PAM: variants seen among roughly 807,000 people sequenced by gnomAD.
PAM encodes peptidyl-glycine alpha-amidating monooxygenase.
PAM carries 72 observed loss-of-function variants against 122.1 expected under a neutral mutation model. The observed-to-expected ratio is 0.59, with a 90% CI of 0.49 to 0.72. The LOEUF is 0.72. PAM is among the 30% of genes least tolerant of loss of function. PAM has a pLI of 0.00. For missense variants in PAM, 1,106 were observed against 1,183.7 expected, an observed-to-expected ratio of 0.93 and a Z score of 0.96; for synonymous variants, 389 against 404.4, an observed-to-expected ratio of 0.96 and a Z score of 0.46.
intron 1 of PAM, among the ~76,000 whole-genome samples, chr5:102,848,589 A>G (rs556946706): frequency 2.6e-5 from 4 of 152,324 alleles, no homozygotes; most frequent in South Asian, 2.1e-4. Flanking sequence ...GTCACAAATC[A>G]TCAGACTTTT....
upstream of PAM, chr5:102,755,057 C>T (rs1330335854): frequency 6.6e-6 from 1 of 152,316 alleles, no homozygotes; most frequent in Non-Finnish European, 1.5e-5. Context: ...GCCCCCTGCG[C>T]CCAAAGAGGC....
chr5:102,907,477 G>A (rs536118937), intron 4 of PAM, among the ~76,000 whole-genome samples: 155 of 151,336 alleles, frequency 1.0e-3, no homozygotes, highest in African/African-American at 3.5e-3. Context: ...AGTCCTTTGG[G>A]TATATACCCA....
At chr5:102,794,067 T>C (rs1256307815) in intron 1 of PAM, among the ~76,000 whole-genome samples, 2 of 152,206 alleles carry the variant, frequency 1.3e-5, no homozygotes, top group African/African-American at 4.8e-5. Context: ...CTTGAAGTGG[T>C]TTATTTATCC....
At chr5:102,969,237 T>C (rs1328970716) in intron 14 of PAM, among the ~76,000 whole-genome samples, 5 of 122,008 alleles carry the variant, frequency 4.1e-5, no homozygotes, top group Non-Finnish European at 7.2e-5. Context: ...TAAAGTATAA[T>C]AAAAAATGCC....
chr5:102,983,632 G>A (rs1770707606), intron 15 of PAM, among the ~76,000 whole-genome samples: 2 of 152,104 alleles, frequency 1.3e-5, no homozygotes, highest in Non-Finnish European at 2.9e-5. Context: ...TGAAATAACA[G>A]CTGAAAACTT....
At chr5:102,994,673 G>T (rs1775125289) in intron 16 of PAM, among the ~76,000 whole-genome samples, 3 of 152,038 alleles carry the variant, frequency 2.0e-5, no homozygotes, top group Admixed American at 2.0e-4. Flanking sequence ...AAATTGTGCT[G>T]ATATTTTTAC....
chr5:102,862,989 CTT>C (rs1386326059), intron 1 of PAM, among the ~76,000 whole-genome samples: 10 of 142,410 alleles, frequency 7.0e-5, no homozygotes, highest in South Asian at 2.2e-4. Context: ...TGCCAGCTAT[CTT>C]TTTTTTTTTT....
intron 24 of PAM, among the ~76,000 whole-genome samples, chr5:103,026,666 T>C (rs143500998): frequency 1.2e-3 from 179 of 152,228 alleles, no homozygotes; most frequent in African/African-American, 4.0e-3. Context: ...CCAGCACAAA[T>C]AATAGTTTCT....
At chr5:102,826,725 CT>C (rs1263097360) in intron 1 of PAM, among the ~76,000 whole-genome samples, 3 of 152,126 alleles carry the variant, frequency 2.0e-5, no homozygotes, top group African/African-American at 7.2e-5. Flanking sequence ...TCTTATGCTC[CT>C]TGACAGGTCT....
chr5:102,798,746 ACATTTTTTTCTGTTATAAAG>A, intron 1 of PAM, among the ~76,000 whole-genome samples: 1 of 152,222 alleles, frequency 6.6e-6, no homozygotes, highest in Non-Finnish European at 1.5e-5. Flanking sequence ...GTATAGGAAT[ACATTTTTTTCTGTTATAAAG>A]CCCTCTCACA....
chr5:102,847,844 T>A (rs924550553), intron 1 of PAM, among the ~76,000 whole-genome samples: 1 of 152,176 alleles, frequency 6.6e-6, no homozygotes, highest in Non-Finnish European at 1.5e-5. Flanking sequence ...ACACACTACA[T>A]CCTACAATTT....
At position 102,957,353 on chromosome 5, in the gene PAM, C is replaced by T. The variant is rs944728480; in HGVS notation, c.906-2522C>T. Among the ~76,000 whole-genome samples the T allele has an allele frequency of 6.6e-5, 10 of 152,126 alleles. No individual in the cohort carries two copies. The East Asian group carries it at 1.2e-3, about 18-fold the overall frequency. ...GAACACACAGCAACACAAAGGAGCCCGGTCAGATTCATTTAGGGAATAGAA... is the reference window on the plus strand; with the variant it reads ...GAACACACAGCAACACAAAGGAGCCTGGTCAGATTCATTTAGGGAATAGAA... On this transcript the variant is annotated intron_variant, in intron 12 of 25. Transcript: ENST00000438793.
chr5:102,838,626 C>T (rs1156867197), intron 1 of PAM: 1 of 151,912 alleles, frequency 6.6e-6, no homozygotes, highest in East Asian at 1.9e-4. Context: ...AATGTAGATG[C>T]CTGTTTTTGT....
At chr5:102,946,622 G>A (rs1757128900) in intron 7 of PAM, among the ~76,000 whole-genome samples, 1 of 149,642 alleles carries the variant, frequency 6.7e-6, no homozygotes, top group Non-Finnish European at 1.5e-5. Context: ...ACCATAGACT[G>A]CATGAAATGA....
intron 22 of PAM, among the ~76,000 whole-genome samples, chr5:103,019,323 G>A (rs1303997194): frequency 6.6e-6 from 1 of 152,222 alleles, no homozygotes; most frequent in Non-Finnish European, 1.5e-5. Flanking sequence ...AGCGCAGAGT[G>A]CAGTAAATCT....
intron 1 of PAM, among the ~76,000 whole-genome samples, chr5:102,857,785 C>A (rs1055466495): frequency 1.2e-4 from 18 of 152,180 alleles, no homozygotes; most frequent in Non-Finnish European, 2.5e-4. Context: ...CTGCTTAGTA[C>A]AATGCCTGGC....
intron 12 of PAM, among the ~76,000 whole-genome samples, chr5:102,952,585 A>AT (rs1759307081): frequency 6.6e-6 from 1 of 152,162 alleles, no homozygotes; most frequent in Non-Finnish European, 1.5e-5. Context: ...TACCAGTGGA[A>AT]TGACAAACAA....
intron 7 of PAM, among the ~76,000 whole-genome samples, chr5:102,946,450 A>C (rs561723984): frequency 1.3e-5 from 2 of 151,888 alleles, no homozygotes; most frequent in Non-Finnish European, 2.9e-5. Context: ...AAAATAAAAA[A>C]GTCTTTTGTT....
intron 1 of PAM, among the ~76,000 whole-genome samples, chr5:102,822,196 T>A (rs1247446735): frequency 6.6e-6 from 1 of 152,238 alleles, no homozygotes; most frequent in Non-Finnish European, 1.5e-5. Flanking sequence ...CATTTATTGT[T>A]GTACATTTGT....
Sources: gnomAD v4.1 joint callset for allele counts (sites outside exome capture counted in the v4.1 genomes callset) on GRCh38, gnomAD v4.1.1 for gene constraint, MANE v1.5 for transcripts, NCBI Gene and HGNC (gene_info 2026-07-23, HGNC 2026-07-21) for gene names.